FAM163A: variants seen among roughly 807,000 people sequenced by gnomAD.
FAM163A encodes the protein family with sequence similarity 163 member A.
In FAM163A, 7 loss-of-function variants were observed where a neutral mutation model predicts 12.0. The ratio of observed to expected loss-of-function variants is 0.58; its 90% CI spans 0.33 to 1.10. The LOEUF (loss-of-function observed/expected upper bound fraction) is 1.10, where lower values mean the gene tolerates loss of function less well. FAM163A is among the 50% of genes least tolerant of loss of function. FAM163A has a pLI of 0.03. For synonymous variants in FAM163A, 101 were observed against 91.0 expected (o/e 1.11, Z -0.62); for missense variants, 202 against 218.6 (o/e 0.92, Z 0.48).
At chr1:179,740,377 C>G (rs2504035), upstream of FAM163A, among the ~76,000 whole-genome samples, 47,222 of 151,826 alleles carry the variant, frequency 0.31, 7,541 homozygotes, top group South Asian at 0.42. Flanking sequence ...GACAGGGTCT[C>G]ACTATGTTGC....
At chr1:179,778,466 G>A (rs2148160275) in intron 1 of FAM163A, among the ~76,000 whole-genome samples, 2 of 152,320 alleles carry the variant, frequency 1.3e-5, no homozygotes, top group South Asian at 4.2e-4. Context: ...GAGGGTGAGG[G>A]AACATGTGCT....
intron 1 of FAM163A, among the ~76,000 whole-genome samples, chr1:179,802,266 C>A (rs1170334006): frequency 6.6e-6 from 1 of 152,190 alleles, no homozygotes; most frequent in East Asian, 1.9e-4. Context: ...GATTGTGGAT[C>A]TGTGTGCTTG....
chr1:179,792,966 C>CATAA (rs1360333463), intron 1 of FAM163A, among the ~76,000 whole-genome samples: 1 of 149,776 alleles, frequency 6.7e-6, no homozygotes, highest in African/African-American at 2.5e-5. Context: ...AGAAAGGGTG[C>CATAA]ATAAAGAAAG....
Position 179,814,406 on chromosome 1 carries a change from G to C in FAM163A, c.*217G>C, listed in dbSNP as rs1695119874. The C allele has an allele frequency of 1.7e-6, 1 of 603,242 alleles. No homozygotes were observed. The highest frequency in any genetic ancestry group is 1.9e-5 in the African/African-American group (1 of 53,026). The allele number at this position is 603,242 out of a possible 1,614,324, so 37.4% of individuals were successfully genotyped here. A position where few individuals can be genotyped will look rare whatever the true frequency, so the allele number is the denominator to read the frequency against. The stretch of plus-strand genomic sequence containing the variant: ...CTCTGTGGGCCAGAGGTGGGGGACT[G>C]CTAGGTCGAGTCTGCAGCTTCGCCA... On this transcript the variant is annotated 3_prime_UTR_variant, in exon 5 of 5. Coordinates refer to ENST00000341785, the MANE Select transcript of FAM163A (RefSeq NM_173509.3).
At chr1:179,802,523 G>C (rs1693321286) in intron 1 of FAM163A, among the ~76,000 whole-genome samples, 1 of 152,170 alleles carries the variant, frequency 6.6e-6, no homozygotes, top group Non-Finnish European at 1.5e-5. Flanking sequence ...AAACAGCCCA[G>C]CAACGGTAAC....
At chr1:179,795,870 T>G (rs1046359659) in intron 1 of FAM163A, among the ~76,000 whole-genome samples, 33 of 152,112 alleles carry the variant, frequency 2.2e-4, no homozygotes, top group African/African-American at 8.0e-4. Flanking sequence ...TTTATGGAAA[T>G]GAGTTCCTGC....
At chr1:179,745,761 G>A (rs1684381562) in intron 1 of FAM163A, among the ~76,000 whole-genome samples, 1 of 152,188 alleles carries the variant, frequency 6.6e-6, no homozygotes, top group Non-Finnish European at 1.5e-5. Flanking sequence ...GAGTTTGGGG[G>A]TAGGGTAAAC....
chr1:179,797,119 C>A (rs959770868), intron 1 of FAM163A, among the ~76,000 whole-genome samples: 1 of 152,124 alleles, frequency 6.6e-6, no homozygotes, highest in Non-Finnish European at 1.5e-5. Context: ...GCAGGACTGC[C>A]CCCTGCAGAG....
Position 179,814,271 on chromosome 1 carries a change from C to G in FAM163A, c.*82C>G. The G allele has an allele frequency of 2.7e-6, 4 of 1,479,908 alleles. No individual in the cohort carries two copies. The highest frequency in any genetic ancestry group is 2.7e-6 in the Non-Finnish European group (3 of 1,104,720). The allele number at this position is 1,479,908 out of a possible 1,614,324, so 91.7% of individuals were successfully genotyped here. A position where few individuals can be genotyped will look rare whatever the true frequency, so the allele number is the denominator to read the frequency against. On this transcript the variant is annotated 3_prime_UTR_variant, in exon 5 of 5. Transcript: ENST00000341785. The stretch of plus-strand genomic sequence containing the variant: ...GGGGTGATGAATGACCCTCCAACAG[C>G]CCCACATGGGTTGTTTCTGTTTCTT...
intron 1 of FAM163A, among the ~76,000 whole-genome samples, chr1:179,776,186 A>G (rs1688938113): frequency 6.6e-6 from 1 of 152,236 alleles, no homozygotes; most frequent in Middle Eastern, 3.4e-3. Flanking sequence ...GTGGCCAGGA[A>G]TCACATGAAA....
chr1:179,740,753 G>C (rs1354621916), upstream of FAM163A, among the ~76,000 whole-genome samples: 1 of 152,140 alleles, frequency 6.6e-6, no homozygotes, highest in African/African-American at 2.4e-5. Context: ...GATGCACAGG[G>C]GAAACAGGTG....
chr1:179,789,717 A>G (rs1449444165), intron 1 of FAM163A, among the ~76,000 whole-genome samples: 1 of 152,232 alleles, frequency 6.6e-6, no homozygotes, highest in Non-Finnish European at 1.5e-5. Flanking sequence ...AGGCAAAGTC[A>G]TTAACTAATC....
At chr1:179,764,809 C>G (rs1433820563) in intron 1 of FAM163A, among the ~76,000 whole-genome samples, 1 of 152,190 alleles carries the variant, frequency 6.6e-6, no homozygotes, top group Non-Finnish European at 1.5e-5. Context: ...AATCACTTGA[C>G]CTCTCTGTGC....
At chr1:179,757,192 G>T (rs2148021288) in intron 1 of FAM163A, among the ~76,000 whole-genome samples, 1 of 152,296 alleles carries the variant, frequency 6.6e-6, no homozygotes, top group South Asian at 2.1e-4. Context: ...GAGAAGCAAT[G>T]GGTTGTTTTT....
chr1:179,815,109 G>GCGCGCGCACACACACA lies in FAM163A; in HGVS notation c.*921_*922insGCGCGCACACACACAC, dbSNP rs1273970601. 8 of 67,232 alleles carry GCGCGCGCACACACACA rather than the reference G, an allele frequency of 1.2e-4. No homozygotes were observed. Among genetic ancestry groups the GCGCGCGCACACACACA allele is most frequent in the African/African-American group, 4.4e-4 (7 of 15,778 alleles). 4.2% of individuals were successfully genotyped at this position (67,232 alleles called of 1,614,324 possible). On this transcript the variant is annotated 3_prime_UTR_variant, in exon 5 of 5. Coordinates refer to ENST00000341785, the MANE Select transcript of FAM163A (RefSeq NM_173509.3). ...CAGGTGTACGCACGCGCGCGCGCGC[G>GCGCGCGCACACACACA]CACAGACACACACACACACACACAC...
At chr1:179,804,765 G>A (rs112307313) in intron 1 of FAM163A, among the ~76,000 whole-genome samples, 5,486 of 152,248 alleles carry the variant, frequency 0.036, 124 homozygotes, top group African/African-American at 0.06. Context: ...GAGAACCCAT[G>A]AACACAGAGA....
At chr1:179,744,099 G>A (rs780570306) in intron 1 of FAM163A, among the ~76,000 whole-genome samples, 26 of 152,302 alleles carry the variant, frequency 1.7e-4, no homozygotes, top group Non-Finnish European at 2.1e-4. Context: ...GTGCCTTCGC[G>A]GCGCGGCGTG....
intron 1 of FAM163A, among the ~76,000 whole-genome samples, chr1:179,769,358 G>A (rs775125143): frequency 9.3e-5 from 14 of 150,614 alleles, no homozygotes; most frequent in Non-Finnish European, 1.8e-4. Flanking sequence ...TCACTACACT[G>A]TCCAGGTTGG....
chr1:179,807,388 G>C (rs1694086541), intron 1 of FAM163A, among the ~76,000 whole-genome samples: 1 of 152,164 alleles, frequency 6.6e-6, no homozygotes, highest in South Asian at 2.1e-4. Flanking sequence ...TGGGAAAGAG[G>C]TATGTTAAGA....
Sources: gnomAD v4.1 joint callset for allele counts (sites outside exome capture counted in the v4.1 genomes callset) on GRCh38, gnomAD v4.1.1 for gene constraint, MANE v1.5 for transcripts, NCBI Gene and HGNC (gene_info 2026-07-23, HGNC 2026-07-21) for gene names.